The following CFAP47 variants were observed in gnomAD, a reference collection of about 807,000 sequenced individuals.
CFAP47 encodes the protein cilia and flagella associated protein 47.
CFAP47 carries 29 observed loss-of-function variants against 148.1 expected under a neutral mutation model. That is an observed-to-expected ratio of 0.20 (90% CI 0.15 to 0.27). The LOEUF is 0.27. CFAP47 is among the 10% of genes least tolerant of loss of function. The probability of loss-of-function intolerance (pLI) is 1.00; values close to 1 mark genes in which losing one functional copy is unlikely to be tolerated. For missense variants in CFAP47, 1,872 were observed against 1,697.5 expected (o/e 1.10, Z -1.81); for synonymous variants, 664 against 577.3 (o/e 1.15, Z -2.15).
At chrX:35,971,545 T>C in intron 11 of CFAP47, 41 bp from the exon 12 acceptor site, 26 of 902,871 alleles carry the variant, frequency 2.9e-5, no homozygotes, top group Non-Finnish European at 3.9e-5. Context: ...TTTGAATGAC[T>C]TGACCTCAAT....
intron 45 of CFAP47, among the ~76,000 whole-genome samples, chrX:36,227,382 T>C (rs975359959): frequency 2.7e-5 from 3 of 111,788 alleles, no homozygotes; most frequent in African/African-American, 6.5e-5. Context: ...ATATATATTG[T>C]ATTACATATA....
intron 60 of CFAP47, among the ~76,000 whole-genome samples, chrX:36,355,556 C>T (rs1431359398): frequency 9.0e-6 from 1 of 111,628 alleles, no homozygotes; most frequent in Non-Finnish European, 1.9e-5. Flanking sequence ...GGAGGAAATT[C>T]TATAATGTGC....
intron 15 of CFAP47, among the ~76,000 whole-genome samples, chrX:35,985,227 A>T (rs1364819252): frequency 9.0e-6 from 1 of 111,180 alleles, no homozygotes; most frequent in Non-Finnish European, 1.9e-5. Flanking sequence ...GCCCCTCAAG[A>T]TTAGGAACAT....
chrX:35,926,271 G>A (rs1935739685), intron 2 of CFAP47, 103 bp downstream of exon 2: 1 of 618,054 alleles, frequency 1.6e-6, no homozygotes, highest in East Asian at 3.8e-5. Context: ...TTTCCTGACA[G>A]TTGAACTTAA....
chrX:36,217,457 G>A (rs189315400), intron 45 of CFAP47, among the ~76,000 whole-genome samples: 252 of 110,603 alleles, frequency 2.3e-3, no homozygotes, highest in Non-Finnish European at 3.6e-3. Context: ...TTCTCTATGC[G>A]ACTCCCCTTA....
At chrX:36,159,079 C>T (rs1350942443) in intron 37 of CFAP47, among the ~76,000 whole-genome samples, 2 of 111,977 alleles carry the variant, frequency 1.8e-5, no homozygotes, top group Non-Finnish European at 3.8e-5. Context: ...AATGTTTCCA[C>T]ATGTTACCAG....
chrX:36,311,694 A>C (rs1366307556), intron 56 of CFAP47, among the ~76,000 whole-genome samples: 1 of 111,143 alleles, frequency 9.0e-6, no homozygotes, highest in African/African-American at 3.3e-5. Flanking sequence ...GAATGTTTAT[A>C]CTTTTGCAAT....
chrX:36,000,574 A>C (rs1936902259), intron 20 of CFAP47, 147 bp downstream of exon 20: 3 of 257,358 alleles, frequency 1.2e-5, no homozygotes, highest in Non-Finnish European at 2.1e-5. Flanking sequence ...ACACTCTGTA[A>C]CTCATCATGG....
Position 35,941,161 on chromosome X carries a change from C to A in CFAP47, c.402-122C>A, listed in dbSNP as rs760771714. On this transcript the variant is annotated intron_variant, in intron 2 of 63. Coordinates refer to ENST00000378653, the MANE Select transcript of CFAP47 (RefSeq NM_001304548.2). Reference sequence around the variant, plus strand: ...ATTGACAAACATGCCACCAGTAGACCTGTAAATAAACTGAAATGTCTTTTA... The same window carrying A: ...ATTGACAAACATGCCACCAGTAGACATGTAAATAAACTGAAATGTCTTTTA... The A allele has an allele frequency of 1.9e-4, 75 of 394,624 alleles. No individual in the cohort carries two copies. In the South Asian group the frequency reaches 3.8e-3, roughly 20 times the overall value. The allele number at this position is 394,624 out of a possible 1,213,427, so 32.5% of individuals were successfully genotyped here.
chrX:36,335,071 A>G lies in CFAP47; in HGVS notation c.8444-13058A>G, dbSNP rs1941593598. 2.7e-5 allele frequency among the ~76,000 whole-genome samples: 3 copies of G among 111,154 alleles called. 1 individual carries two copies. The South Asian group carries it at 1.1e-3, about 42-fold the overall frequency. ...AACATTTTAAAATTTGGGCTTAAAA[A>G]TTCAATGGCCTACACATTATCTGTA... On this transcript the variant is annotated intron_variant, in intron 57 of 63. Transcript: ENST00000378653.
At chrX:35,944,495 A>C (rs1278272863) in intron 3 of CFAP47, among the ~76,000 whole-genome samples, 1 of 111,852 alleles carries the variant, frequency 8.9e-6, no homozygotes, top group East Asian at 2.8e-4. Flanking sequence ...AGAATCTCTA[A>C]AAATTAGTCA....
chrX:36,073,486 A>G, intron 29 of CFAP47, 122 bp downstream of exon 29: 1 of 457,292 alleles, frequency 2.2e-6, no homozygotes, highest in Non-Finnish European at 3.6e-6. Flanking sequence ...CTGATATATT[A>G]TGAAGCATCT....
intron 57 of CFAP47, among the ~76,000 whole-genome samples, chrX:36,336,231 T>TCACAGACA (rs1262380086): frequency 1.1e-4 from 9 of 85,113 alleles, no homozygotes; most frequent in Non-Finnish European, 1.6e-4. Flanking sequence ...TCTCTCTCTG[T>TCACAGACA]CACAGACACA....
rs533273157 is a variant in CFAP47 at position 36,010,678 on chromosome X, T to C, written c.3418-4096T>C. The stretch of plus-strand genomic sequence containing the variant: ...TTTCACTGTGTTAACCAGGATGGTC[T>C]CGATCTCCTGACCTCGTGATCCAAC... On this transcript the variant is annotated intron_variant, in intron 21 of 63. Coordinates refer to ENST00000378653, the MANE Select transcript of CFAP47 (RefSeq NM_001304548.2). Among the ~76,000 whole-genome samples the C allele has an allele frequency of 1.3e-4, 14 of 111,376 alleles. No homozygotes were observed. In the South Asian group the frequency reaches 3.7e-3, roughly 30 times the overall value.
At chrX:36,005,441 A>G (rs1182919487) in intron 21 of CFAP47, among the ~76,000 whole-genome samples, 1 of 111,830 alleles carries the variant, frequency 8.9e-6, no homozygotes, top group Non-Finnish European at 1.9e-5. Context: ...TTCACCTATT[A>G]GTTATTTGGT....
intron 33 of CFAP47, among the ~76,000 whole-genome samples, chrX:36,134,276 A>T (rs1165839976): frequency 2.7e-5 from 3 of 111,359 alleles, no homozygotes; most frequent in African/African-American, 9.8e-5. Context: ...TGAAAATACC[A>T]TCACATATTC....
At chrX:36,332,643 C>T (rs148197174) in intron 57 of CFAP47, among the ~76,000 whole-genome samples, 35 of 111,722 alleles carry the variant, frequency 3.1e-4, no homozygotes, top group Non-Finnish European at 5.1e-4. Context: ...AAGCACTGGG[C>T]ATATACTGGA....
At chrX:35,941,576 A>G (rs1049355589) in intron 3 of CFAP47, among the ~76,000 whole-genome samples, 178 bp downstream of exon 3, 1 of 111,834 alleles carries the variant, frequency 8.9e-6, no homozygotes, top group Non-Finnish European at 1.9e-5. Flanking sequence ...ACAATTCAAG[A>G]AAAATGAACC....
chrX:36,227,005 C>T (rs1045697556), intron 45 of CFAP47, among the ~76,000 whole-genome samples: 19 of 111,012 alleles, frequency 1.7e-4, no homozygotes, highest in Non-Finnish European at 3.2e-4. Flanking sequence ...ATTTCATTCT[C>T]TTCATCCAAG....
Sources: allele counts gnomAD v4.1 joint callset (sites outside exome capture counted in the v4.1 genomes callset), GRCh38; gene constraint gnomAD v4.1.1; transcripts MANE v1.5; gene names NCBI Gene and HGNC (gene_info 2026-07-23, HGNC 2026-07-21).